NEK5: variants seen among roughly 807,000 people sequenced by gnomAD.
NEK5 encodes serine/threonine-protein kinase Nek5.
A neutral mutation model predicts 109.2 loss-of-function variants in NEK5; 88 were observed. The ratio of observed to expected loss-of-function variants is 0.81; its 90% CI spans 0.68 to 0.96. NEK5 has a LOEUF of 0.96. Ranked by LOEUF, NEK5 falls within the 40% of genes least tolerant of loss-of-function variation. The pLI is 0.00. For missense variants in NEK5, 834 were observed against 920.7 expected, an observed-to-expected ratio of 0.91 and a Z score of 1.22; for synonymous variants, 283 against 299.9, an observed-to-expected ratio of 0.94 and a Z score of 0.58.
intron 22 of NEK5, among the ~76,000 whole-genome samples, chr13:52,055,946 A>C (rs1490626868): frequency 1.3e-5 from 2 of 152,096 alleles, no homozygotes; most frequent in Non-Finnish European, 2.9e-5. Flanking sequence ...CACACATAAC[A>C]ATATTAACTT....
At chr13:52,081,617 A>G (rs1024085685) in intron 17 of NEK5, among the ~76,000 whole-genome samples, 7 of 152,212 alleles carry the variant, frequency 4.6e-5, no homozygotes, top group African/African-American at 1.2e-4. Flanking sequence ...GTAGAGAGAC[A>G]ATAATCATTC....
At chr13:52,051,522 G>A (rs1291892653) in intron 22 of NEK5, among the ~76,000 whole-genome samples, 1 of 152,152 alleles carries the variant, frequency 6.6e-6, no homozygotes, top group Non-Finnish European at 1.5e-5. Context: ...TTTGCAGTAA[G>A]TTACTTGATC....
rs556430126 is a variant in NEK5 at position 52,101,956 on chromosome 13, C to G, written c.869G>C (p.Arg290Pro). ...ACTCTGGACCACCTTCCCAGCATGT[C>G]GAGAAGCTGGCGCTCCTGCTCTGCA... ...LICRAGAPAS[R>P]HAGKVVQKCK... is the part of the protein sequence containing the mutation. The change falls in exon 11 of 24, where the codon CGA becomes CCA. Residue 290 changes from arginine (R) to proline (P), a missense_variant. This residue lies in a region of NEK5 where 777 missense variants were observed against 824.7 expected (regional missense o/e 0.94). Coordinates refer to ENST00000684899, the MANE Select transcript of NEK5 (RefSeq NM_001365552.1). 13 of 1,613,900 alleles carry G rather than the reference C, an allele frequency of 8.1e-6. No individual in the cohort carries two copies. The South Asian group carries it at 1.4e-4, about 18-fold the overall frequency.
intron 23 of NEK5, among the ~76,000 whole-genome samples, chr13:52,045,918 A>C (rs1954454995): frequency 6.6e-6 from 1 of 151,344 alleles, no homozygotes; most frequent in African/African-American, 2.4e-5. Context: ...TAAAAATACA[A>C]AAATTAGCCA....
At position 52,065,274 on chromosome 13, in the gene NEK5, G is replaced by A; in HGVS notation, c.1975+210C>T. On this transcript the variant is annotated intron_variant, in intron 21 of 23. Coordinates refer to ENST00000684899, the MANE Select transcript of NEK5 (RefSeq NM_001365552.1). Reference sequence around the variant, plus strand: ...ATCCTGGATTTTTCCTCCTTTATATGTGCATGTCTAGAGTGGTCATTTGTC... The same window carrying A: ...ATCCTGGATTTTTCCTCCTTTATATATGCATGTCTAGAGTGGTCATTTGTC... The A allele has an allele frequency of 4.4e-6, 3 of 678,692 alleles. No homozygotes were observed. In the East Asian group the frequency reaches 7.7e-5, roughly 17 times the overall value. 42.0% of individuals were successfully genotyped at this position (678,692 alleles called of 1,614,324 possible).
At chr13:52,115,240 A>T (rs1436440955) in intron 4 of NEK5, among the ~76,000 whole-genome samples, 1 of 151,548 alleles carries the variant, frequency 6.6e-6, no homozygotes, top group Non-Finnish European at 1.5e-5. Flanking sequence ...TGACCTCGTG[A>T]TCCACCCGCC....
At chr13:52,119,273 T>A in intron 4 of NEK5, 46 bp downstream of exon 4, 1 of 1,088,666 alleles carries the variant, frequency 9.2e-7, no homozygotes, top group Non-Finnish European at 1.4e-6. Flanking sequence ...TATGTCAACA[T>A]GCCTATACTT....
intron 13 of NEK5, among the ~76,000 whole-genome samples, chr13:52,091,013 G>A (rs1284355706): frequency 1.3e-5 from 2 of 151,450 alleles, no homozygotes; most frequent in Non-Finnish European, 2.9e-5. Flanking sequence ...GCGACAGAGC[G>A]AGACTCTGTC....
intron 22 of NEK5, among the ~76,000 whole-genome samples, chr13:52,054,608 A>G (rs533822305): frequency 1.8e-3 from 261 of 148,230 alleles, no homozygotes; most frequent in East Asian, 3.6e-3. Context: ...ATCTGAGAAC[A>G]GGCAGACTGC....
intron 11 of NEK5, among the ~76,000 whole-genome samples, chr13:52,100,470 C>A (rs1232183595): frequency 6.6e-6 from 1 of 152,202 alleles, no homozygotes; most frequent in African/African-American, 2.4e-5. Context: ...CCATGTTGGC[C>A]AGACTGGCAT....
intron 4 of NEK5, 110 bp downstream of exon 4, chr13:52,119,209 A>T: frequency 2.1e-6 from 1 of 467,346 alleles, no homozygotes. Context: ...TGGGGAAATG[A>T]CCCATTTACA....
At chr13:52,105,264 T>A (rs1955627165) in intron 8 of NEK5, among the ~76,000 whole-genome samples, 1 of 122,876 alleles carries the variant, frequency 8.1e-6, no homozygotes, top group Non-Finnish European at 2.0e-5. Context: ...TGTGTGTGTG[T>A]GTGTGTGTGT....
At chr13:52,045,255 G>A (rs921675951) in intron 23 of NEK5, among the ~76,000 whole-genome samples, 3 of 147,014 alleles carry the variant, frequency 2.0e-5, no homozygotes, top group Non-Finnish European at 3.0e-5. Context: ...TCAGCCTGCC[G>A]AGTAGCTGGG....
intron 23 of NEK5, among the ~76,000 whole-genome samples, chr13:52,045,027 A>G (rs950643125): frequency 2.0e-5 from 3 of 152,020 alleles, no homozygotes; most frequent in Non-Finnish European, 4.4e-5. Context: ...ATTATAAACA[A>G]TGTGTTTATA....
At position 52,061,800 on chromosome 13, in the gene NEK5, T is replaced by C; in HGVS notation, c.2110+19A>G. On this transcript the variant is annotated intron_variant, in intron 22 of 23. Coordinates refer to ENST00000684899, the MANE Select transcript of NEK5 (RefSeq NM_001365552.1). ...ATTCCTCTGAGGACTGGTTATGTTG[T>C]TAAAAATAAACTACATACCAAATTC... is the stretch of plus-strand genomic sequence containing the variant. 1 of 981,832 alleles carries C rather than the reference T, an allele frequency of 1.0e-6. No homozygotes were observed. The highest frequency in any genetic ancestry group is 1.2e-6 in the Non-Finnish European group (1 of 826,242). The allele number at this position is 981,832 out of a possible 1,614,324, so 60.8% of individuals were successfully genotyped here. A position where few individuals can be genotyped will look rare whatever the true frequency, so the allele number is the denominator to read the frequency against.
chr13:52,115,035 C>T (rs747126181), intron 4 of NEK5, among the ~76,000 whole-genome samples: 50 of 146,622 alleles, frequency 3.4e-4, no homozygotes, highest in Non-Finnish European at 6.4e-4. Context: ...TTTTTTGAGA[C>T]GGAATCTCGC....
rs1258094908 is a variant in NEK5 at position 52,112,382 on chromosome 13, C to T, written c.215-17G>A. On this transcript the variant is annotated splice_polypyrimidine_tract_variant and intron_variant, in intron 4 of 23. Coordinates refer to ENST00000684899, the MANE Select transcript of NEK5 (RefSeq NM_001365552.1). The stretch of plus-strand genomic sequence containing the variant: ...TGCCATTCTCTGTAAGAAAAGGAAT[C>T]ATTTGGTGCTGGAAGGATTTCAGAT... 2 of 1,491,694 alleles carry T rather than the reference C, an allele frequency of 1.3e-6. No individual in the cohort carries two copies. Among genetic ancestry groups the T allele is most frequent in the Non-Finnish European group, 1.9e-6 (2 of 1,069,246 alleles). 92.4% of individuals were successfully genotyped at this position (1,491,694 alleles called of 1,614,324 possible).
chr13:52,093,807 T>C (rs1037088126), intron 12 of NEK5, among the ~76,000 whole-genome samples: 2 of 152,194 alleles, frequency 1.3e-5, no homozygotes, highest in Non-Finnish European at 2.9e-5. Context: ...GAAAAATACT[T>C]AGCTAGTGAG....
chr13:52,062,219 CAATT>C (rs1954619331), intron 21 of NEK5: 1 of 152,108 alleles, frequency 6.6e-6, no homozygotes, highest in Non-Finnish European at 1.5e-5. Context: ...CTTAATAAGA[CAATT>C]GAGGGGAAAC....
Sources: gnomAD v4.1 joint callset for allele counts (sites outside exome capture counted in the v4.1 genomes callset) on GRCh38, gnomAD v4.1.1 for gene constraint, gnomAD v4.1.1 regional missense constraint, MANE v1.5 for transcripts, NCBI Gene and HGNC (gene_info 2026-07-23, HGNC 2026-07-21) for gene names.